The following ERC2 variants were observed in gnomAD, a reference collection of about 807,000 sequenced individuals.
The protein encoded by ERC2 is ERC protein 2.
ERC2 carries 42 observed loss-of-function variants against 114.8 expected under a neutral mutation model. The observed-to-expected ratio is 0.37, with a 90% CI of 0.29 to 0.47. The LOEUF (loss-of-function observed/expected upper bound fraction) is 0.47, where lower values mean the gene tolerates loss of function less well. Ranked by LOEUF, ERC2 falls within the 20% of genes least tolerant of loss-of-function variation. ERC2 has a pLI of 0.99. For missense variants in ERC2, 939 were observed against 1,150.7 expected, an observed-to-expected ratio of 0.82 and a Z score of 2.66; for synonymous variants, 454 against 425.5, an observed-to-expected ratio of 1.07 and a Z score of -0.82.
At chr3:55,763,511 T>C (rs1472377805) in intron 14 of ERC2, among the ~76,000 whole-genome samples, 3 of 152,182 alleles carry the variant, frequency 2.0e-5, no homozygotes, top group Non-Finnish European at 4.4e-5. Context: ...GGACTCTGAC[T>C]CCTGCCAACT....
chr3:56,107,262 C>G (rs570948310), intron 6 of ERC2, among the ~76,000 whole-genome samples: 9 of 140,926 alleles, frequency 6.4e-5, no homozygotes, highest in Non-Finnish European at 7.8e-5. Flanking sequence ...ATTAAATCCA[C>G]TTTTTTTTTT....
chr3:56,408,659 TAGAC>T (rs1349179740), intron 2 of ERC2, among the ~76,000 whole-genome samples: 4 of 152,198 alleles, frequency 2.6e-5, no homozygotes, highest in Admixed American at 1.3e-4. Flanking sequence ...TATCTATTAT[TAGAC>T]AGACAACAGA....
At chr3:56,376,397 T>G (rs1212542770) in intron 2 of ERC2, among the ~76,000 whole-genome samples, 1 of 151,206 alleles carries the variant, frequency 6.6e-6, no homozygotes, top group African/African-American at 2.4e-5. Context: ...ATGGAAACCA[T>G]CCCTCTCAAT....
At chr3:56,243,687 G>A (rs944218524) in intron 3 of ERC2, among the ~76,000 whole-genome samples, 1 of 152,172 alleles carries the variant, frequency 6.6e-6, no homozygotes, top group Non-Finnish European at 1.5e-5. Context: ...AATTTCAACA[G>A]AAAATCATTT....
intron 12 of ERC2, among the ~76,000 whole-genome samples, chr3:55,973,720 C>T (rs1041169054): frequency 5.3e-5 from 8 of 152,184 alleles, no homozygotes; most frequent in African/African-American, 1.9e-4. Flanking sequence ...TGCACAGACA[C>T]TGGCCCATTA....
intron 3 of ERC2, among the ~76,000 whole-genome samples, chr3:56,199,157 G>A (rs774118038): frequency 2.6e-5 from 4 of 152,142 alleles, no homozygotes; most frequent in Non-Finnish European, 5.9e-5. Flanking sequence ...CACTCAAATT[G>A]TTGGGAAATG....
intron 12 of ERC2, among the ~76,000 whole-genome samples, chr3:55,953,490 A>G (rs1023582712): frequency 6.6e-6 from 1 of 152,218 alleles, no homozygotes; most frequent in Non-Finnish European, 1.5e-5. Context: ...GTTTTCACAC[A>G]TATTTCTAGC....
chr3:55,690,684 T>G (rs1213814761), intron 16 of ERC2, among the ~76,000 whole-genome samples: 1 of 151,968 alleles, frequency 6.6e-6, no homozygotes, highest in East Asian at 1.9e-4. Flanking sequence ...CTGAATGAAA[T>G]CTTCAGTAGG....
chr3:55,628,702 G>A (rs537598495), intron 17 of ERC2, among the ~76,000 whole-genome samples: 17 of 152,286 alleles, frequency 1.1e-4, no homozygotes, highest in African/African-American at 3.6e-4. Context: ...GAAAAAAGAA[G>A]ATGAAAAGCG....
At chr3:56,134,931 T>C (rs368413971) in intron 6 of ERC2, among the ~76,000 whole-genome samples, 1 of 126,862 alleles carries the variant, frequency 7.9e-6, no homozygotes, top group Non-Finnish European at 1.7e-5. Flanking sequence ...TTTTTTTTTG[T>C]TTTTGTTTTT....
intron 17 of ERC2, among the ~76,000 whole-genome samples, chr3:55,678,572 A>G (rs1479238948): frequency 6.6e-6 from 1 of 152,252 alleles, no homozygotes; most frequent in East Asian, 1.9e-4. Context: ...TTTCTTCAAG[A>G]GTTGGAGGAG....
chr3:55,631,936 T>C (rs2148628937), intron 17 of ERC2, among the ~76,000 whole-genome samples: 1 of 152,374 alleles, frequency 6.6e-6, no homozygotes, highest in East Asian at 1.9e-4. Flanking sequence ...GTCAGCCCTC[T>C]TATCATCTCC....
At chr3:55,757,725 T>C (rs1252496903) in intron 14 of ERC2, among the ~76,000 whole-genome samples, 1 of 152,154 alleles carries the variant, frequency 6.6e-6, no homozygotes, top group Non-Finnish European at 1.5e-5. Context: ...CCTATAAATA[T>C]TGTTCACTTT....
At chr3:56,134,895 G>A (rs1170442576) in intron 6 of ERC2, among the ~76,000 whole-genome samples, 1 of 151,178 alleles carries the variant, frequency 6.6e-6, no homozygotes, top group Non-Finnish European at 1.5e-5. Flanking sequence ...CCAGAAATCA[G>A]AAATAAATCT....
intron 17 of ERC2, among the ~76,000 whole-genome samples, chr3:55,580,231 A>ATTT (rs71763172): frequency 4.5e-4 from 65 of 144,894 alleles, no homozygotes; most frequent in African/African-American, 1.5e-3. Flanking sequence ...TAGGAAGCAT[A>ATTT]TTTTTTTTTT....
At chr3:56,243,557 G>C (rs1211394308) in intron 3 of ERC2, among the ~76,000 whole-genome samples, 1 of 152,202 alleles carries the variant, frequency 6.6e-6, no homozygotes, top group Non-Finnish European at 1.5e-5. Flanking sequence ...AATGGAAGAA[G>C]AACACAGTCC....
Position 55,699,419 on chromosome 3 carries a change from C to G in ERC2, c.2806G>C (p.Gly936Arg). 1 of 1,613,668 alleles carries G rather than the reference C, an allele frequency of 6.2e-7. No individual in the cohort carries two copies. The highest frequency in any genetic ancestry group is 8.5e-7 in the Non-Finnish European group (1 of 1,179,784). Residue 936 changes from glycine to arginine, a missense_variant, in exon 16 of 18, where the codon GGG becomes CGG. Physicochemically the swap from Gly to Arg is moderately radical, Grantham distance 125 (BLOSUM62 -2). This residue lies in a region of ERC2 where 328 missense variants were observed against 353.9 expected (regional missense o/e 0.93). Coordinates refer to ENST00000288221, the MANE Select transcript of ERC2 (RefSeq NM_015576.3). ...HHHHHHHRSP[G>R]RSQHSNHRPS... is the part of the protein sequence containing the mutation. Reference sequence around the variant, plus strand: ...CTGTGATTGGAATGTTGCGACCTCCCAGGAGATCGATGGTGGTGGTGATGG... The same window carrying G: ...CTGTGATTGGAATGTTGCGACCTCCGAGGAGATCGATGGTGGTGGTGATGG...
rs1448097041 is a variant in ERC2 at position 55,994,092 on chromosome 3, CCT to C, written c.2062-1844_2062-1843del. Among the ~76,000 whole-genome samples the C allele has an allele frequency of 3.9e-5, 6 of 152,134 alleles. No individual in the cohort carries two copies. In the East Asian group the frequency reaches 1.2e-3, roughly 29 times the overall value. On this transcript the variant is annotated intron_variant, in intron 10 of 17. Coordinates refer to ENST00000288221, the MANE Select transcript of ERC2 (RefSeq NM_015576.3). The stretch of plus-strand genomic sequence containing the variant: ...TTGCTAAAGAAAAACTTCGTGTTAA[CCT>C]CTCTTTCATTTTCATACTGTATTAC...
intron 7 of ERC2, among the ~76,000 whole-genome samples, chr3:56,044,742 G>C (rs941661951): frequency 5.9e-5 from 9 of 152,060 alleles, no homozygotes; most frequent in Admixed American, 2.6e-4. Context: ...CCGGGGGCAG[G>C]ATTAGGACGC....
Sources: gnomAD v4.1 joint callset for allele counts (sites outside exome capture counted in the v4.1 genomes callset) on GRCh38, gnomAD v4.1.1 for gene constraint, gnomAD v4.1.1 regional missense constraint, MANE v1.5 for transcripts, NCBI Gene and HGNC (gene_info 2026-07-23, HGNC 2026-07-21) for gene names.